Variants in BMPR1B observed in about 807,000 individuals in gnomAD.
BMPR1B encodes bone morphogenetic protein receptor type 1B, also known as bone morphogenetic protein receptor type-1B.
A neutral mutation model predicts 59.1 loss-of-function variants in BMPR1B; 12 were observed. That is an observed-to-expected ratio of 0.20 (90% CI 0.13 to 0.33). The LOEUF (loss-of-function observed/expected upper bound fraction) is 0.33, where lower values mean the gene tolerates loss of function less well. BMPR1B is among the 10% of genes least tolerant of loss of function. The probability of loss-of-function intolerance (pLI) is 1.00; values close to 1 mark genes in which losing one functional copy is unlikely to be tolerated. For missense variants in BMPR1B, 550 were observed against 610.9 expected, an observed-to-expected ratio of 0.90 and a Z score of 1.05; for synonymous variants, 237 against 207.3, an observed-to-expected ratio of 1.14 and a Z score of -1.23.
intron 2 of BMPR1B, among the ~76,000 whole-genome samples, chr4:94,961,094 G>A (rs1300891621): frequency 2.6e-5 from 4 of 151,102 alleles, no homozygotes; most frequent in East Asian, 3.9e-4. Flanking sequence ...GAATGAGAGC[G>A]AGCCAAACTT....
chr4:95,153,034 C>A (rs2149331044), intron 12 of BMPR1B, among the ~76,000 whole-genome samples: 1 of 152,146 alleles, frequency 6.6e-6, no homozygotes, highest in Non-Finnish European at 1.5e-5. Context: ...ACATTATTTT[C>A]TTTATTTATA....
At chr4:95,088,267 A>G (rs143697905) in intron 3 of BMPR1B, among the ~76,000 whole-genome samples, 6 of 152,268 alleles carry the variant, frequency 3.9e-5, no homozygotes, top group Admixed American at 6.5e-5. Flanking sequence ...TAGAGTCTCC[A>G]TGTCATAACT....
chr4:95,013,737 G>GC (rs1553926911), intron 3 of BMPR1B, among the ~76,000 whole-genome samples: 1 of 152,000 alleles, frequency 6.6e-6, no homozygotes, highest in Non-Finnish European at 1.5e-5. Flanking sequence ...CTAGATGTCT[G>GC]TTTCACTTGT....
intron 3 of BMPR1B, among the ~76,000 whole-genome samples, chr4:95,069,684 G>A (rs1372731631): frequency 6.6e-6 from 1 of 152,190 alleles, no homozygotes; most frequent in Non-Finnish European, 1.5e-5. Context: ...TGTGAGCTGT[G>A]AGGGCATGGA....
chr4:95,142,429 A>G (rs561513416), intron 10 of BMPR1B, among the ~76,000 whole-genome samples: 6 of 152,052 alleles, frequency 3.9e-5, no homozygotes, highest in Non-Finnish European at 8.8e-5. Flanking sequence ...GGCCTCCTTC[A>G]CATGTCTTCT....
At chr4:95,135,470 G>A (rs1471123381) in intron 10 of BMPR1B, among the ~76,000 whole-genome samples, 12 of 152,086 alleles carry the variant, frequency 7.9e-5, no homozygotes, top group Admixed American at 2.6e-4. Context: ...CCATTTTCAC[G>A]ATACTGATTC....
chr4:94,899,696 A>G (rs894482335), intron 2 of BMPR1B, among the ~76,000 whole-genome samples: 1 of 151,974 alleles, frequency 6.6e-6, no homozygotes, highest in Non-Finnish European at 1.5e-5. Context: ...GAAAGTTTTC[A>G]TTAGAAACGT....
At chr4:94,849,890 A>G (rs1458989505) in intron 1 of BMPR1B, among the ~76,000 whole-genome samples, 1 of 151,938 alleles carries the variant, frequency 6.6e-6, no homozygotes, top group Admixed American at 6.6e-5. Flanking sequence ...ACCAAGTGCA[A>G]GGCTAGTGCT....
intron 1 of BMPR1B, among the ~76,000 whole-genome samples, chr4:94,807,006 AATT>A (rs1189614401): frequency 6.6e-6 from 1 of 152,176 alleles, no homozygotes; most frequent in African/African-American, 2.4e-5. Context: ...GCATTAAAAT[AATT>A]ATATTTTATA....
At chr4:94,884,470 G>A (rs1004300974) in intron 2 of BMPR1B, among the ~76,000 whole-genome samples, 9 of 152,180 alleles carry the variant, frequency 5.9e-5, no homozygotes, top group African/African-American at 2.2e-4. Context: ...AGGTTGCAGT[G>A]AGCCAAGATG....
At chr4:94,870,904 A>C (rs1437635250) in intron 1 of BMPR1B, among the ~76,000 whole-genome samples, 1 of 152,124 alleles carries the variant, frequency 6.6e-6, no homozygotes, top group Admixed American at 6.5e-5. Flanking sequence ...CTGTGGAAAT[A>C]GCCTTAGGTG....
intron 8 of BMPR1B, among the ~76,000 whole-genome samples, chr4:95,126,600 T>C (rs934019072): frequency 2.6e-5 from 4 of 152,146 alleles, no homozygotes; most frequent in Admixed American, 2.6e-4. Flanking sequence ...GAAGCCAGGA[T>C]TCAAACCCAG....
chr4:94,841,016 C>A (rs1254815455), intron 1 of BMPR1B, among the ~76,000 whole-genome samples: 1 of 147,026 alleles, frequency 6.8e-6, no homozygotes, highest in African/African-American at 2.5e-5. Flanking sequence ...GTTGGAGTAC[C>A]CTGCCGTGTG....
intron 3 of BMPR1B, among the ~76,000 whole-genome samples, chr4:95,023,694 C>T (rs1041907707): frequency 1.3e-5 from 2 of 152,146 alleles, no homozygotes; most frequent in African/African-American, 4.8e-5. Context: ...GCCTCACTTC[C>T]TTTAAAATGT....
In BMPR1B at chr4:94,809,005, A is replaced by C. The variant is rs552074792; in HGVS notation, c.-183+50937A>C. Among the ~76,000 whole-genome samples, 11 of 152,312 alleles carry C rather than the reference A, an allele frequency of 7.2e-5. No homozygotes were observed. In the East Asian group the frequency reaches 2.1e-3, roughly 29 times the overall value. On this transcript the variant is annotated intron_variant, in intron 1 of 12. Transcript: ENST00000515059. ...GGGAGCTGGAGGTTGCAATGAGCCAAGATTGCACCACTGCACTCCAGCCTG... is the reference window on the plus strand; with the variant it reads ...GGGAGCTGGAGGTTGCAATGAGCCACGATTGCACCACTGCACTCCAGCCTG...
chr4:94,759,838 T>G (rs543903549), intron 1 of BMPR1B, among the ~76,000 whole-genome samples: 7 of 152,356 alleles, frequency 4.6e-5, no homozygotes, highest in Admixed American at 4.6e-4. Flanking sequence ...AAAGTTTGTG[T>G]TATAAGCAGA....
At chr4:94,835,750 TA>T (rs1273751827) in intron 1 of BMPR1B, among the ~76,000 whole-genome samples, 2 of 152,204 alleles carry the variant, frequency 1.3e-5, no homozygotes, top group African/African-American at 4.8e-5. Context: ...AGGAGTTATC[TA>T]AATAAATTTT....
intron 1 of BMPR1B, among the ~76,000 whole-genome samples, chr4:94,844,893 A>G (rs1490205775): frequency 6.6e-6 from 1 of 152,218 alleles, no homozygotes; most frequent in East Asian, 1.9e-4. Flanking sequence ...AATGAATGTG[A>G]CTGAGAAGAT....
At chr4:94,968,641 G>C (rs764033231) in intron 2 of BMPR1B, among the ~76,000 whole-genome samples, 3 of 152,048 alleles carry the variant, frequency 2.0e-5, no homozygotes, top group Non-Finnish European at 4.4e-5. Flanking sequence ...AAGGCAGGTG[G>C]CAGGAACACA....
Sources: allele counts gnomAD v4.1 joint callset (sites outside exome capture counted in the v4.1 genomes callset), GRCh38; gene constraint gnomAD v4.1.1; transcripts MANE v1.5; gene names NCBI Gene and HGNC (gene_info 2026-07-23, HGNC 2026-07-21).